Variants in SYT1 observed in about 807,000 individuals in gnomAD.
SYT1 encodes synaptotagmin 1, also known as synaptotagmin-1.
Under a neutral mutation model 44.8 loss-of-function variants are expected in SYT1, and 8 were observed. The observed-to-expected ratio is 0.18, with a 90% confidence interval of 0.10 to 0.32. The LOEUF is 0.32. Ranked by LOEUF, SYT1 falls within the 10% of genes least tolerant of loss-of-function variation. SYT1 has a pLI of 1.00. For missense variants in SYT1, 286 were observed against 509.3 expected, an observed-to-expected ratio of 0.56 and a Z score of 4.22; for synonymous variants, 154 against 188.8, an observed-to-expected ratio of 0.82 and a Z score of 1.51.
At chr12:79,339,376 A>G (rs920933888) in intron 8 of SYT1, among the ~76,000 whole-genome samples, 1 of 152,184 alleles carries the variant, frequency 6.6e-6, no homozygotes, top group African/African-American at 2.4e-5. Flanking sequence ...CTGTTGTGAG[A>G]TAGTATCTCA....
At chr12:79,052,321 G>A (rs1160972037) in intron 3 of SYT1, among the ~76,000 whole-genome samples, 3 of 152,182 alleles carry the variant, frequency 2.0e-5, no homozygotes, top group South Asian at 2.1e-4. Flanking sequence ...AGCTGAAATG[G>A]GATCCCTTCC....
intron 1 of SYT1, among the ~76,000 whole-genome samples, chr12:78,877,401 A>AT (rs1474480609): frequency 4.0e-5 from 6 of 151,560 alleles, no homozygotes; most frequent in Non-Finnish European, 7.4e-5. Context: ...ACATGTGGGA[A>AT]TTTTGGGAGC....
Position 79,312,495 on chromosome 12 carries a change from A to G in SYT1, c.810+12944A>G, listed in dbSNP as rs150625563. ...ACTCCCCCACACTGGATAGAATTTA[A>G]GCTAGAATTTTCCCTTTTGATAAAA... On this transcript the variant is annotated intron_variant, in intron 8 of 10. Transcript: ENST00000261205. 3.0e-4 allele frequency among the ~76,000 whole-genome samples: 46 copies of G among 152,254 alleles called. No homozygotes were observed. The East Asian group carries it at 8.1e-3, about 27-fold the overall frequency.
chr12:78,958,590 G>A (rs1879337179), intron 1 of SYT1, among the ~76,000 whole-genome samples: 1 of 151,980 alleles, frequency 6.6e-6, no homozygotes, highest in South Asian at 2.1e-4. Context: ...AGCTACTCGG[G>A]AGGCTAAAGC....
chr12:79,348,984 AAAG>A, intron 8 of SYT1, among the ~76,000 whole-genome samples: 1 of 127,224 alleles, frequency 7.9e-6, no homozygotes, highest in African/African-American at 3.2e-5. Flanking sequence ...AAAGAGGAAG[AAAG>A]AAAGAGAGAA....
intron 3 of SYT1, among the ~76,000 whole-genome samples, chr12:79,092,297 G>A (rs1240892619): frequency 1.3e-5 from 2 of 151,794 alleles, no homozygotes; most frequent in East Asian, 3.9e-4. Context: ...CAAAGCCTTG[G>A]TAATATGGCC....
chr12:78,997,112 T>A (rs1032510737), intron 2 of SYT1, among the ~76,000 whole-genome samples: 3 of 152,338 alleles, frequency 2.0e-5, no homozygotes, highest in Middle Eastern at 3.4e-3. Flanking sequence ...TGCCTCTATA[T>A]CTCTCAGTTC....
chr12:78,878,641 A>G (rs140795615), intron 1 of SYT1, among the ~76,000 whole-genome samples: 1 of 151,790 alleles, frequency 6.6e-6, no homozygotes, highest in Non-Finnish European at 1.5e-5. Context: ...ATTGAGTACC[A>G]TCTAGTTAAG....
At chr12:78,919,019 A>G (rs958646648) in intron 1 of SYT1, among the ~76,000 whole-genome samples, 1 of 151,982 alleles carries the variant, frequency 6.6e-6, no homozygotes, top group Admixed American at 6.6e-5. Flanking sequence ...TATAACGAAA[A>G]TTTTAAAAGA....
rs1045503733 is a variant in SYT1 at position 79,125,890 on chromosome 12, A to G, written c.-18+78528A>G. Among the ~76,000 whole-genome samples, 7 of 152,092 alleles carry G rather than the reference A, an allele frequency of 4.6e-5. No homozygotes were observed. In the South Asian group the frequency reaches 6.2e-4, roughly 14 times the overall value. On this transcript the variant is annotated intron_variant, in intron 3 of 10. Transcript: ENST00000261205. ...AGGAAGTAAGTTCCCCGGCTCATCAATCACTACTTTCCTTATTTGTTTTTT... is the reference window on the plus strand; with the variant it reads ...AGGAAGTAAGTTCCCCGGCTCATCAGTCACTACTTTCCTTATTTGTTTTTT...
At chr12:79,182,337 T>C (rs759862983) in intron 3 of SYT1, among the ~76,000 whole-genome samples, 1 of 152,094 alleles carries the variant, frequency 6.6e-6, no homozygotes, top group Non-Finnish European at 1.5e-5. Context: ...TTTGGTGTCA[T>C]GGTTTTCTTC....
At chr12:79,161,262 C>T (rs1870932296) in intron 3 of SYT1, among the ~76,000 whole-genome samples, 1 of 152,006 alleles carries the variant, frequency 6.6e-6, no homozygotes, top group Non-Finnish European at 1.5e-5. Flanking sequence ...GATTATAAGA[C>T]TGTATTTTTA....
intron 3 of SYT1, among the ~76,000 whole-genome samples, chr12:79,111,821 G>A (rs539646969): frequency 7.2e-5 from 11 of 152,002 alleles, no homozygotes; most frequent in Non-Finnish European, 1.2e-4. Flanking sequence ...CAAGAAATTG[G>A]TCTTCTGGTA....
At chr12:79,259,402 T>C (rs1012440512) in intron 4 of SYT1, among the ~76,000 whole-genome samples, 4 of 152,192 alleles carry the variant, frequency 2.6e-5, no homozygotes, top group Non-Finnish European at 5.9e-5. Context: ...ACCTTTAAGC[T>C]TAAAGCTTAA....
At chr12:79,179,663 G>A (rs1872395383) in intron 3 of SYT1, among the ~76,000 whole-genome samples, 1 of 151,354 alleles carries the variant, frequency 6.6e-6, no homozygotes, top group African/African-American at 2.4e-5. Context: ...CAGGTGATCA[G>A]CCCACTTCCG....
At chr12:79,063,069 G>A (rs915427051) in intron 3 of SYT1, among the ~76,000 whole-genome samples, 1 of 152,130 alleles carries the variant, frequency 6.6e-6, no homozygotes, top group Non-Finnish European at 1.5e-5. Context: ...GGTTTACATA[G>A]CAGTTTCACA....
At chr12:79,385,747 G>GTTT (rs1256001556) in intron 9 of SYT1, among the ~76,000 whole-genome samples, 4 of 151,946 alleles carry the variant, frequency 2.6e-5, no homozygotes, top group South Asian at 2.1e-4. Flanking sequence ...TGTTGTTGTT[G>GTTT]TTTTTTAATT....
rs74543872 is a variant in SYT1 at position 79,433,839 on chromosome 12, G to T, written c.929-10234G>T. Among the ~76,000 whole-genome samples, 1,197 of 152,230 alleles carry T rather than the reference G, an allele frequency of 7.9e-3. 39 individuals carry two copies. In the East Asian group the frequency reaches 0.082, roughly 10 times the overall value. The stretch of plus-strand genomic sequence containing the variant: ...CAAAAAACATCCAGATTATACAAAC[G>T]TATTGTACTTGCCCCTCTACTAAGG... On this transcript the variant is annotated intron_variant, in intron 9 of 10. Coordinates refer to ENST00000261205, the MANE Select transcript of SYT1 (RefSeq NM_005639.3).
intron 3 of SYT1, among the ~76,000 whole-genome samples, chr12:79,180,642 A>G (rs1872477181): frequency 1.3e-5 from 2 of 152,002 alleles, no homozygotes; most frequent in Admixed American, 1.3e-4. Context: ...GAGCAGGAGC[A>G]AGAGAGAGTG....
Sources: allele counts gnomAD v4.1 joint callset (sites outside exome capture counted in the v4.1 genomes callset), GRCh38; gene constraint gnomAD v4.1.1; transcripts MANE v1.5; gene names NCBI Gene and HGNC (gene_info 2026-07-23, HGNC 2026-07-21).